The following PPP2R2B variants were observed in gnomAD, a reference collection of about 807,000 sequenced individuals.
PPP2R2B encodes protein phosphatase 2 regulatory subunit Bbeta.
PPP2R2B carries 5 observed loss-of-function variants against 46.0 expected under a neutral mutation model. The observed-to-expected ratio is 0.11, with a 90% CI of 0.06 to 0.23. The LOEUF is 0.23. PPP2R2B is among the 10% of genes least tolerant of loss of function. The probability of loss-of-function intolerance (pLI) is 1.00; values close to 1 mark genes in which losing one functional copy is unlikely to be tolerated. For synonymous variants in PPP2R2B, 215 were observed against 206.7 expected, an observed-to-expected ratio of 1.04 and a Z score of -0.34; for missense variants, 367 against 575.0, an observed-to-expected ratio of 0.64 and a Z score of 3.70.
chr5:146,722,906 C>T (rs974913758), intron 2 of PPP2R2B, among the ~76,000 whole-genome samples: 2 of 152,102 alleles, frequency 1.3e-5, no homozygotes, highest in African/African-American at 2.4e-5. Flanking sequence ...TGTCTACTGC[C>T]ACTACCTAAA....
chr5:146,652,024 G>A (rs1189039958), intron 5 of PPP2R2B, among the ~76,000 whole-genome samples: 9 of 152,140 alleles, frequency 5.9e-5, no homozygotes, highest in Admixed American at 4.6e-4. Flanking sequence ...GGTGACTTGA[G>A]GTGTGGCTGT....
rs1561616391 is a variant in PPP2R2B at position 147,077,303 on chromosome 5, CACA to C, written c.50+3753_50+3755del. ...ACACACACACACACACACACACACA[CACA>C]CACACCCACACCCACACCCCTAGCC... On this transcript the variant is annotated intron_variant, in intron 2 of 10. Transcript: ENST00000394413. 4.8e-5 allele frequency among the ~76,000 whole-genome samples: 7 copies of C among 146,254 alleles called. No individual in the cohort carries two copies. In the East Asian group the frequency reaches 6.1e-4, roughly 13 times the overall value.
intron 2 of PPP2R2B, among the ~76,000 whole-genome samples, chr5:146,750,197 A>G (rs1162876225): frequency 1.3e-5 from 2 of 152,222 alleles, no homozygotes; most frequent in Non-Finnish European, 2.9e-5. Context: ...TTCATACTAT[A>G]GCCATATAAT....
chr5:146,964,552 G>GTCTTGC (rs1466150935), intron 1 of PPP2R2B, among the ~76,000 whole-genome samples: 1 of 151,862 alleles, frequency 6.6e-6, no homozygotes, highest in African/African-American at 2.4e-5. Context: ...TTTATACGGA[G>GTCTTGC]TCTTGCTCTG....
chr5:146,683,815 T>G (rs1055134561), intron 5 of PPP2R2B, among the ~76,000 whole-genome samples: 1 of 152,124 alleles, frequency 6.6e-6, no homozygotes, highest in African/African-American at 2.4e-5. Flanking sequence ...ACAGATACAA[T>G]CAGATAATGA....
intron 1 of PPP2R2B, among the ~76,000 whole-genome samples, chr5:146,902,935 C>G (rs1762881308): frequency 6.6e-6 from 1 of 152,126 alleles, no homozygotes; most frequent in Admixed American, 6.5e-5. Flanking sequence ...GTCCATAGAT[C>G]AAAACCATTT....
chr5:146,919,694 T>C (rs1270672391), intron 1 of PPP2R2B: 2 of 152,292 alleles, frequency 1.3e-5, no homozygotes, highest in East Asian at 3.9e-4. Flanking sequence ...CTGCCACAAC[T>C]GGACACAGTT....
chr5:146,801,464 T>C (rs1756861040), intron 2 of PPP2R2B, among the ~76,000 whole-genome samples: 1 of 152,138 alleles, frequency 6.6e-6, no homozygotes, highest in Admixed American at 6.6e-5. Context: ...CTGTCAAATA[T>C]ACAATAAAAC....
chr5:146,789,325 T>C (rs1427973023), intron 2 of PPP2R2B, among the ~76,000 whole-genome samples: 1 of 152,178 alleles, frequency 6.6e-6, no homozygotes, highest in Admixed American at 6.5e-5. Flanking sequence ...AGTCTCTCCA[T>C]AAAACTTTCA....
intron 1 of PPP2R2B, among the ~76,000 whole-genome samples, chr5:146,934,977 G>A (rs893221315): frequency 3.9e-5 from 6 of 152,144 alleles, no homozygotes; most frequent in African/African-American, 1.2e-4. Context: ...TACTCCATCA[G>A]TTACCATTGA....
chr5:146,590,390 T>TTTGTGTG, intron 9 of PPP2R2B, among the ~76,000 whole-genome samples, 164 bp from the exon 10 acceptor site: 4 of 149,214 alleles, frequency 2.7e-5, no homozygotes, highest in African/African-American at 7.6e-5. Flanking sequence ...TTTTTGTTTT[T>TTTGTGTG]TTTTTGTGTT....
intron 2 of PPP2R2B, among the ~76,000 whole-genome samples, chr5:146,747,322 C>A (rs1288047608): frequency 6.6e-6 from 1 of 152,116 alleles, no homozygotes; most frequent in African/African-American, 2.4e-5. Flanking sequence ...CAGCTTTGGG[C>A]CTTAGTCTAC....
upstream of PPP2R2B, among the ~76,000 whole-genome samples, chr5:147,056,777 G>T (rs965534519): frequency 2.6e-5 from 4 of 152,112 alleles, no homozygotes; most frequent in African/African-American, 9.7e-5. Flanking sequence ...TGGGGAATTG[G>T]TTTGGTTTTG....
intron 2 of PPP2R2B, among the ~76,000 whole-genome samples, chr5:146,828,123 C>G (rs1313734441): frequency 6.6e-6 from 1 of 152,022 alleles, no homozygotes; most frequent in Non-Finnish European, 1.5e-5. Flanking sequence ...AGGAGCAGCC[C>G]CCTCCTGCAT....
chr5:146,620,655 A>G (rs146722549), intron 7 of PPP2R2B, among the ~76,000 whole-genome samples: 83 of 152,218 alleles, frequency 5.5e-4, no homozygotes, highest in African/African-American at 1.8e-3. Context: ...CGGGAACCCA[A>G]TGGCAGCATC....
rs55841193 is a variant in PPP2R2B, at chr5:146,619,588, G to A, written c.790+18663C>T. ...CTAATTTGTAAGGCCTAAATTTTTTGAGGAACTCTAATTTTTTCATGTTAG... is the reference window on the plus strand; with the variant it reads ...CTAATTTGTAAGGCCTAAATTTTTTAAGGAACTCTAATTTTTTCATGTTAG... On this transcript the variant is annotated intron_variant, in intron 7 of 9. Coordinates refer to ENST00000394411, the MANE Select transcript of PPP2R2B (RefSeq NM_181675.4). Among the ~76,000 whole-genome samples, 567 of 152,286 alleles carry A rather than the reference G, an allele frequency of 3.7e-3. 3 individuals are homozygous for A. Among genetic ancestry groups the A allele is most frequent in the Middle Eastern group, 0.027 (8 of 294 alleles).
At chr5:146,768,270 C>T (rs956435276) in intron 2 of PPP2R2B, among the ~76,000 whole-genome samples, 35 of 152,100 alleles carry the variant, frequency 2.3e-4, no homozygotes, top group African/African-American at 5.5e-4. Flanking sequence ...GACAGTGTTT[C>T]GCTATGTTGC....
At chr5:147,004,463 T>C (rs1372603268) in intron 1 of PPP2R2B, among the ~76,000 whole-genome samples, 1 of 152,188 alleles carries the variant, frequency 6.6e-6, no homozygotes, top group African/African-American at 2.4e-5. Context: ...TCAATGTTAA[T>C]CTCTTGTCCT....
intron 1 of PPP2R2B, among the ~76,000 whole-genome samples, chr5:146,937,652 C>T (rs1404953197): frequency 1.3e-5 from 2 of 152,052 alleles, no homozygotes; most frequent in East Asian, 1.9e-4. Context: ...AGGAGACATC[C>T]TTTGAGCTAG....
Sources: gnomAD v4.1 joint callset for allele counts (sites outside exome capture counted in the v4.1 genomes callset) on GRCh38, gnomAD v4.1.1 for gene constraint, MANE v1.5 for transcripts, NCBI Gene and HGNC (gene_info 2026-07-23, HGNC 2026-07-21) for gene names.